PCCA: variants seen among roughly 807,000 people sequenced by gnomAD.
PCCA encodes propionyl-CoA carboxylase alpha chain, mitochondrial.
In PCCA, 74 loss-of-function variants were observed where a neutral mutation model predicts 101.3. The observed-to-expected ratio is 0.73, with a 90% confidence interval of 0.61 to 0.89. The LOEUF (loss-of-function observed/expected upper bound fraction) is 0.89, where lower values mean the gene tolerates loss of function less well. PCCA is among the 40% of genes least tolerant of loss of function. The pLI is 0.00. For missense variants in PCCA, 891 were observed against 907.0 expected (o/e 0.98, Z 0.23); for synonymous variants, 294 against 313.6 (o/e 0.94, Z 0.66).
chr13:100,304,690 T>C (rs901720490), intron 14 of PCCA, among the ~76,000 whole-genome samples: 22 of 152,228 alleles, frequency 1.4e-4, no homozygotes, highest in African/African-American at 5.3e-4. Context: ...GAGAATCTCG[T>C]ACAGAGGTGC....
chr13:100,188,225 G>A (rs928782285), intron 6 of PCCA, among the ~76,000 whole-genome samples: 1 of 152,126 alleles, frequency 6.6e-6, no homozygotes, highest in African/African-American at 2.4e-5. Context: ...GCCGGGAGGT[G>A]GAGGTTGCAG....
In PCCA at chr13:100,394,024, A is replaced by G. The variant is rs1257399584; in HGVS notation, c.1746+25450A>G. On this transcript the variant is annotated intron_variant, in intron 19 of 23. Coordinates refer to ENST00000376285, the MANE Select transcript of PCCA (RefSeq NM_000282.4). This position sits in a 1 kb window ranked among gnomAD's most constrained non-coding sequence, Gnocchi z 4.3. ...TAACATTACTTTTGTGGAGCTTTGTAGTCCATAAAAATAACATTGTTGTAG... is the reference window on the plus strand; with the variant it reads ...TAACATTACTTTTGTGGAGCTTTGTGGTCCATAAAAATAACATTGTTGTAG... Among the ~76,000 whole-genome samples, 3 of 152,240 alleles carry G rather than the reference A, an allele frequency of 2.0e-5. No homozygotes were observed. Among genetic ancestry groups the G allele is most frequent in the South Asian group, 4.1e-4 (2 of 4,834 alleles).
chr13:100,317,117 C>CA (rs2067447475), intron 16 of PCCA, among the ~76,000 whole-genome samples: 1 of 152,016 alleles, frequency 6.6e-6, no homozygotes, highest in South Asian at 2.1e-4. Context: ...TACTGTTTTG[C>CA]AAAAACACTT....
chr13:100,270,740 G>A (rs781513640), intron 11 of PCCA, among the ~76,000 whole-genome samples: 4 of 152,154 alleles, frequency 2.6e-5, no homozygotes, highest in Non-Finnish European at 4.4e-5. Context: ...TGGGCATGGT[G>A]GCTCACACCT....
chr13:100,365,088 C>T (rs1421777648), intron 18 of PCCA, among the ~76,000 whole-genome samples: 1 of 152,144 alleles, frequency 6.6e-6, no homozygotes, highest in Non-Finnish European at 1.5e-5. Flanking sequence ...AGTGCCACTG[C>T]AGGAGTTAAG....
chr13:100,322,537 C>T (rs2068177099), intron 16 of PCCA, among the ~76,000 whole-genome samples: 1 of 150,748 alleles, frequency 6.6e-6, no homozygotes, highest in South Asian at 2.1e-4. Flanking sequence ...GTAAACTATT[C>T]AGTCTCTCTG....
intron 9 of PCCA, among the ~76,000 whole-genome samples, chr13:100,259,111 T>C (rs1239115170): frequency 1.3e-5 from 2 of 152,104 alleles, no homozygotes; most frequent in African/African-American, 2.4e-5. Context: ...TCTTTTCCTC[T>C]CTCCCTCTCG....
chr13:100,217,306 G>A (rs11840872), intron 7 of PCCA, among the ~76,000 whole-genome samples: 3,141 of 151,216 alleles, frequency 0.021, 116 homozygotes, highest in African/African-American at 0.072. Context: ...TTAGCTGGGC[G>A]TGGTGGTGCG....
At chr13:100,284,739 T>C (rs1699485405) in intron 12 of PCCA, among the ~76,000 whole-genome samples, 1 of 152,216 alleles carries the variant, frequency 6.6e-6, no homozygotes, top group African/African-American at 2.4e-5. Context: ...TCTTCTTCTA[T>C]ATTTCCCTGC....
intron 6 of PCCA, among the ~76,000 whole-genome samples, chr13:100,175,984 C>A (rs539099655): frequency 6.6e-6 from 1 of 152,346 alleles, no homozygotes; most frequent in South Asian, 2.1e-4. Flanking sequence ...TGTACCCCTT[C>A]TAACTATGAA....
chr13:100,322,505 T>C (rs1298742866), intron 16 of PCCA, among the ~76,000 whole-genome samples: 2 of 152,074 alleles, frequency 1.3e-5, no homozygotes, highest in South Asian at 2.1e-4. Context: ...ACTATTGTGA[T>C]ATATAATGTG....
At chr13:100,474,128 A>G (rs2083235424) in intron 21 of PCCA, among the ~76,000 whole-genome samples, 1 of 152,234 alleles carries the variant, frequency 6.6e-6, no homozygotes, top group South Asian at 2.1e-4. Flanking sequence ...TGGTACCTAT[A>G]GTATTATTTC....
At chr13:100,203,982 T>C (rs577976118) in intron 6 of PCCA, among the ~76,000 whole-genome samples, 1 of 152,334 alleles carries the variant, frequency 6.6e-6, no homozygotes, top group East Asian at 1.9e-4. Flanking sequence ...TTGAAAGCTT[T>C]CTTTCTGACT....
At chr13:100,517,517 G>C (rs2086925463) in intron 22 of PCCA, among the ~76,000 whole-genome samples, 1 of 152,126 alleles carries the variant, frequency 6.6e-6, no homozygotes, top group African/African-American at 2.4e-5. Context: ...ATTAAGAATG[G>C]TTTGAGAACT....
chr13:100,105,495 A>C (rs556791848), intron 2 of PCCA, among the ~76,000 whole-genome samples: 2 of 152,110 alleles, frequency 1.3e-5, no homozygotes, highest in East Asian at 1.9e-4. Flanking sequence ...CTTTCTCCTT[A>C]TACACTGGTA....
chr13:100,393,567 C>T (rs755809727), intron 19 of PCCA, among the ~76,000 whole-genome samples: 10 of 151,732 alleles, frequency 6.6e-5, no homozygotes, highest in African/African-American at 1.7e-4. Flanking sequence ...TACAGGCGCC[C>T]GCCACCGTGC....
At chr13:100,344,486 A>G (rs896740895) in intron 18 of PCCA, among the ~76,000 whole-genome samples, 4 of 152,196 alleles carry the variant, frequency 2.6e-5, no homozygotes, top group Non-Finnish European at 5.9e-5. Context: ...TGAGCCCATT[A>G]GGAAATACTT....
At chr13:100,284,728 GTCT>G (rs753100431) in intron 12 of PCCA, among the ~76,000 whole-genome samples, 2 of 152,198 alleles carry the variant, frequency 1.3e-5, no homozygotes, top group Admixed American at 6.5e-5. Flanking sequence ...CCTCAAGGAT[GTCT>G]TCTTCTATAT....
intron 6 of PCCA, among the ~76,000 whole-genome samples, chr13:100,167,716 A>G (rs1054564823): frequency 6.6e-6 from 1 of 152,180 alleles, no homozygotes; most frequent in South Asian, 2.1e-4. Flanking sequence ...GTCTAAATTA[A>G]TCTTTTTTGC....
Sources: gnomAD v4.1 joint callset for allele counts (sites outside exome capture counted in the v4.1 genomes callset) on GRCh38, gnomAD v4.1.1 for gene constraint, Gnocchi (gnomAD v3.1) non-coding constraint, MANE v1.5 for transcripts, NCBI Gene and HGNC (gene_info 2026-07-23, HGNC 2026-07-21) for gene names.